Variants in UCP2 observed in about 807,000 individuals in gnomAD.
UCP2 encodes the protein dicarboxylate carrier SLC25A8.
In UCP2, 27 loss-of-function variants were observed where a neutral mutation model predicts 31.3. The ratio of observed to expected loss-of-function variants is 0.86; its 90% CI spans 0.64 to 1.19. The LOEUF is 1.19. Among genes scored for constraint, UCP2 ranks in the 50% most tolerant of loss-of-function variants. The probability of loss-of-function intolerance (pLI) is 0.00; values close to 1 mark genes in which losing one functional copy is unlikely to be tolerated. For missense variants in UCP2, 377 were observed against 413.5 expected, an observed-to-expected ratio of 0.91 and a Z score of 0.76; for synonymous variants, 142 against 157.4, an observed-to-expected ratio of 0.90 and a Z score of 0.73.
At chr11:73,976,153 C>T (rs1197712485) in intron 6 of UCP2, among the ~76,000 whole-genome samples, 4 of 152,086 alleles carry the variant, frequency 2.6e-5, no homozygotes, top group African/African-American at 9.7e-5. Flanking sequence ...TCACTTGAGG[C>T]CAGGAGTTCG....
At position 73,976,678 on chromosome 11, in the gene UCP2, GAGGTCAT is replaced by G. The variant is rs1191524308; in HGVS notation, c.590_596del (p.Tyr197SerfsTer7). The G allele has an allele frequency of 3.1e-6, 5 of 1,614,062 alleles. No homozygotes were observed. In the African/African-American group the frequency reaches 6.7e-5, roughly 22 times the overall value. ...TGGCTTTCAGGAGGGCATCCTTGAT[GAGGTCAT>G]AGGTCACCAGCTCAGCACAGTTGAC... On this transcript the variant is annotated frameshift_variant, in exon 6 of 8. Coordinates refer to ENST00000663595, the MANE Select transcript of UCP2 (RefSeq NM_003355.3). LOFTEE classifies it high-confidence loss of function.
At chr11:73,979,077 G>C (rs922535342) in intron 2 of UCP2, among the ~76,000 whole-genome samples, 1 of 152,264 alleles carries the variant, frequency 6.6e-6, no homozygotes, top group African/African-American at 2.4e-5. Flanking sequence ...TTGCTGGGCA[G>C]TGGTTCACTG....
rs893885890 is a variant in UCP2, at chr11:73,974,892, G to T, written c.*115C>A. 1 of 905,950 alleles carries T rather than the reference G, an allele frequency of 1.1e-6. No individual in the cohort carries two copies. Among genetic ancestry groups the T allele is most frequent in the African/African-American group, 1.7e-5 (1 of 60,264 alleles). The allele number at this position is 905,950 out of a possible 1,614,324, so 56.1% of individuals were successfully genotyped here. A position where few individuals can be genotyped will look rare whatever the true frequency, so the allele number is the denominator to read the frequency against. On this transcript the variant is annotated 3_prime_UTR_variant, in exon 8 of 8. Transcript: ENST00000663595. Reference sequence around the variant, plus strand: ...GTAGGTAAAGGAGCGGAAGGAAGAGGTGGGGAAAGAGGGAAGGAGAGAAGG... The same window carrying T: ...GTAGGTAAAGGAGCGGAAGGAAGAGTTGGGGAAAGAGGGAAGGAGAGAAGG...
Position 73,978,543 on chromosome 11 carries a change from CAA to C in UCP2, c.-99-68_-99-67del, listed in dbSNP as rs564288767. 161 of 997,376 alleles carry C rather than the reference CAA, an allele frequency of 1.6e-4. No homozygotes were observed. The African/African-American group carries it at 2.4e-3, about 15-fold the overall frequency. The allele number at this position is 997,376 out of a possible 1,614,324, so 61.8% of individuals were successfully genotyped here. On this transcript the variant is annotated intron_variant, in intron 2 of 7. Transcript: ENST00000663595. ...CCAGGCCCTCCCTGCTCACCATCCC[CAA>C]ACTCACCTTCCCTAATAGAACCAAG...
chr11:73,977,274 T>C (rs911472584), intron 4 of UCP2, among the ~76,000 whole-genome samples: 1 of 152,216 alleles, frequency 6.6e-6, no homozygotes, highest in African/African-American at 2.4e-5. Context: ...CATAAAACAT[T>C]TTCATTTACC....
chr11:73,979,953 ACTG>A (rs1486856880), intron 2 of UCP2: 1 of 152,154 alleles, frequency 6.6e-6, no homozygotes, highest in African/African-American at 2.4e-5. Flanking sequence ...TGCAGAGAAA[ACTG>A]CTCTCCTTTT....
intron 6 of UCP2, 97 bp from the exon 7 acceptor site, chr11:73,975,768 AAG>A: frequency 2.0e-6 from 3 of 1,472,142 alleles, no homozygotes; most frequent in Non-Finnish European, 2.8e-6. Context: ...CATGATTTTA[AAG>A]AGACAGAGAG....
At chr11:73,980,539 C>G (rs894030019) in intron 2 of UCP2, 2 of 152,392 alleles carry the variant, frequency 1.3e-5, no homozygotes, top group East Asian at 3.9e-4. Flanking sequence ...CTCTGACACC[C>G]CCTTCCCCCA....
intron 4 of UCP2, 31 bp from the exon 5 acceptor site, chr11:73,977,048 C>T (rs890070213): frequency 1.3e-5 from 20 of 1,569,304 alleles, no homozygotes; most frequent in African/African-American, 4.1e-5. Context: ...CAGTGGCCAG[C>T]GGGCTTGCAC....
At position 73,978,359 on chromosome 11, in the gene UCP2, G is replaced by T. The variant is rs1951398059; in HGVS notation, c.20C>A (p.Thr7Lys). The T allele has an allele frequency of 8.1e-6, 13 of 1,614,086 alleles. No individual in the cohort carries two copies. The highest frequency in any genetic ancestry group is 9.3e-6 in the Non-Finnish European group (11 of 1,180,048). ...CACAGTGGCAGTAGGGGGCACATCT[G>T]TGGCCTTGAACCCAACCATGATGCT... is the stretch of plus-strand genomic sequence containing the variant. MVGFKA[T>K]DVPPTATVKF... is the part of the protein sequence containing the mutation. Residue 7 changes from threonine to lysine, a missense_variant, in exon 3 of 8, where the codon ACA (threonine) becomes AAA (lysine). Transcript: ENST00000663595.
chr11:73,976,373 A>G (rs1223750349), intron 6 of UCP2, among the ~76,000 whole-genome samples: 2 of 152,106 alleles, frequency 1.3e-5, no homozygotes, highest in Admixed American at 6.5e-5. Flanking sequence ...CAAACAAACA[A>G]AAAAACAAAA....
At chr11:73,980,345 T>A (rs1951431209) in intron 2 of UCP2, among the ~76,000 whole-genome samples, 2 of 152,130 alleles carry the variant, frequency 1.3e-5, no homozygotes, top group Admixed American at 6.5e-5. Flanking sequence ...GGCTTCTCAC[T>A]CCAGGTGGCT....
chr11:73,979,126 T>G (rs1951410392), intron 2 of UCP2, among the ~76,000 whole-genome samples: 2 of 152,228 alleles, frequency 1.3e-5, no homozygotes, highest in Admixed American at 1.3e-4. Flanking sequence ...GGAGGCTTAC[T>G]GTTGGGCACA....
At chr11:73,976,518 T>C (rs1951347637) in intron 6 of UCP2, 123 bp downstream of exon 6, 3 of 801,260 alleles carry the variant, frequency 3.7e-6, no homozygotes, top group African/African-American at 1.7e-5. Flanking sequence ...AGAGATATCT[T>C]ACTCTCCCTG....
intron 4 of UCP2, 105 bp downstream of exon 4, chr11:73,977,781 T>C: frequency 1.4e-6 from 2 of 1,470,478 alleles, no homozygotes; most frequent in East Asian, 4.6e-5. Flanking sequence ...CCCCTGATCT[T>C]CCTAGGGATC....
intron 6 of UCP2, 102 bp downstream of exon 6, chr11:73,976,539 A>T: frequency 1.0e-6 from 1 of 954,136 alleles, no homozygotes; most frequent in Non-Finnish European, 1.7e-6. Flanking sequence ...CAAAGGGCAA[A>T]TAGGATGAAA....
At position 73,978,007 on chromosome 11, in the gene UCP2, A is replaced by G; in HGVS notation, c.216T>C (p.Thr72=). The change falls in exon 4 of 8, where the codon ACT becomes ACC. Residue 72 remains threonine, a synonymous_variant. Coordinates refer to ENST00000663595, the MANE Select transcript of UCP2 (RefSeq NM_003355.3). The part of the protein sequence containing the change: ...VMGTILTMVR[T]EGPRSLYNGL... The stretch of plus-strand genomic sequence containing the variant: ...CATTGTAGAGGCTTCGGGGGCCCTC[A>G]GTACGCACCATGGTCAGAATGGTGC... 6.2e-7 allele frequency: 1 copy of G among 1,614,226 alleles called. No individual in the cohort carries two copies. Among genetic ancestry groups the G allele is most frequent in the Non-Finnish European group, 8.5e-7 (1 of 1,180,030 alleles).
intron 2 of UCP2, among the ~76,000 whole-genome samples, chr11:73,980,269 G>A (rs1473091508): frequency 6.6e-6 from 1 of 152,148 alleles, no homozygotes; most frequent in Non-Finnish European, 1.5e-5. Context: ...AGGGCTGGCT[G>A]GTGAAGGGAG....
intron 6 of UCP2, among the ~76,000 whole-genome samples, chr11:73,976,040 C>T (rs1364738728): frequency 1.3e-5 from 2 of 152,016 alleles, no homozygotes; most frequent in African/African-American, 2.4e-5. Context: ...GCACTCCAGC[C>T]TGGGCAACCG....
Sources: allele counts gnomAD v4.1 joint callset (sites outside exome capture counted in the v4.1 genomes callset), GRCh38; gene constraint gnomAD v4.1.1; transcripts MANE v1.5; gene names NCBI Gene and HGNC (gene_info 2026-07-23, HGNC 2026-07-21).